ARV1: variants seen among roughly 807,000 people sequenced by gnomAD.
ARV1 encodes the protein protein ARV1.
A neutral mutation model predicts 31.1 loss-of-function variants in ARV1; 26 were observed. The observed-to-expected ratio is 0.84, with a 90% CI of 0.61 to 1.16. ARV1 has a LOEUF of 1.16. Among genes scored for constraint, ARV1 ranks in the 50% most tolerant of loss-of-function variants. ARV1 has a pLI of 0.00. For synonymous variants in ARV1, 117 were observed against 123.2 expected (o/e 0.95, Z 0.34); for missense variants, 281 against 324.9 (o/e 0.86, Z 1.04).
At chr1:230,994,669 G>T (rs1229262269) in intron 3 of ARV1, among the ~76,000 whole-genome samples, 1 of 151,974 alleles carries the variant, frequency 6.6e-6, no homozygotes, top group Non-Finnish European at 1.5e-5. Flanking sequence ...AGCCTCCCGA[G>T]TAGCTGGGAC....
At chr1:230,989,291 C>T (rs1173210473) in intron 2 of ARV1, among the ~76,000 whole-genome samples, 1 of 152,098 alleles carries the variant, frequency 6.6e-6, no homozygotes, top group African/African-American at 2.4e-5. Flanking sequence ...GCACGCATCA[C>T]CAAGCCCAGC....
chr1:230,990,469 G>A, intron 3 of ARV1: 1 of 547,708 alleles, frequency 1.8e-6, no homozygotes, highest in Non-Finnish European at 3.2e-6. Context: ...CCACGTATAT[G>A]GTATGGAAGT....
rs74143530 is a variant in ARV1, at chr1:230,986,384, C to G, written c.175-1936C>G. On this transcript the variant is annotated intron_variant, in intron 1 of 5. Coordinates refer to ENST00000310256, the MANE Select transcript of ARV1 (RefSeq NM_022786.3). ...TTTTATTACATTTGAATTGCAGGGTCGGTATTCTTCAGTGCCCTTCATTTT... is the reference window on the plus strand; with the variant it reads ...TTTTATTACATTTGAATTGCAGGGTGGGTATTCTTCAGTGCCCTTCATTTT... Among the ~76,000 whole-genome samples, 1,468 of 152,210 alleles carry G rather than the reference C, an allele frequency of 9.6e-3. 25 individuals are homozygous for G. The highest frequency in any genetic ancestry group is 0.033 in the African/African-American group (1,383 of 41,494).
At position 231,000,463 on chromosome 1, in the gene ARV1, A is replaced by T. The variant is rs1679493810; in HGVS notation, c.*330A>T. 6.6e-6 allele frequency: 1 copy of T among 152,234 alleles called. No individual in the cohort carries two copies. Among genetic ancestry groups the T allele is most frequent in the Non-Finnish European group, 1.5e-5 (1 of 68,042 alleles). 9.4% of individuals were successfully genotyped at this position (152,234 alleles called of 1,614,324 possible). The stretch of plus-strand genomic sequence containing the variant: ...GGCCAGGTAAGCGCTCATAATTCAC[A>T]CATAATAAAACATCTAGGTTTCATT... On this transcript the variant is annotated 3_prime_UTR_variant, in exon 6 of 6. Transcript: ENST00000310256.
Position 230,988,429 on chromosome 1 carries a change from C to A in ARV1, c.284C>A (p.Thr95Asn). The A allele has an allele frequency of 1.9e-6, 3 of 1,549,088 alleles. No homozygotes were observed. The highest frequency in any genetic ancestry group is 2.6e-6 in the Non-Finnish European group (3 of 1,144,722). Reference sequence around the variant, plus strand: ...GCCTACAGACATATTCTTTTCAATACTCAAATAAATGTAAGTTGTGATAAT... The same window carrying A: ...GCCTACAGACATATTCTTTTCAATAATCAAATAAATGTAAGTTGTGATAAT... ...AQAYRHILFN[T>N]QINIHGKLCI... Residue 95 changes from threonine to asparagine, a missense_variant, in exon 2 of 6, where the codon ACT becomes AAT. By Grantham distance (65) the Thr-to-Asn change is moderately conservative. Coordinates refer to ENST00000310256, the MANE Select transcript of ARV1 (RefSeq NM_022786.3).
chr1:230,998,052 C>T (rs1343649340), intron 5 of ARV1, among the ~76,000 whole-genome samples: 8 of 152,344 alleles, frequency 5.3e-5, no homozygotes, highest in Non-Finnish European at 8.8e-5. Context: ...AGTTCGTCTT[C>T]GGTCTTCCTC....
chr1:230,994,580 C>T (rs932914686), intron 3 of ARV1, among the ~76,000 whole-genome samples: 5 of 143,734 alleles, frequency 3.5e-5, no homozygotes, highest in Admixed American at 7.3e-5. Context: ...CTCGCTCTGT[C>T]GCCCAGACTG....
intron 3 of ARV1, among the ~76,000 whole-genome samples, chr1:230,993,310 G>C (rs1377758522): frequency 6.6e-5 from 10 of 152,042 alleles, no homozygotes; most frequent in Non-Finnish European, 1.3e-4. Context: ...TGTCCAGGTT[G>C]GTCTTGAACT....
At chr1:230,995,732 A>G in intron 3 of ARV1, 28 bp from the exon 4 acceptor site, 1 of 1,563,862 alleles carries the variant, frequency 6.4e-7, no homozygotes, top group South Asian at 1.1e-5. Flanking sequence ...GGGGACATTC[A>G]TACTTTTATT....
At chr1:230,998,592 C>T (rs1044315896) in intron 5 of ARV1, among the ~76,000 whole-genome samples, 1 of 152,108 alleles carries the variant, frequency 6.6e-6, no homozygotes, top group Non-Finnish European at 1.5e-5. Context: ...CCCAGAGTCT[C>T]TTGAACCTAT....
At chr1:230,986,990 T>A (rs1679100418) in intron 1 of ARV1, among the ~76,000 whole-genome samples, 1 of 152,056 alleles carries the variant, frequency 6.6e-6, no homozygotes, top group African/African-American at 2.4e-5. Context: ...ATAAGATTGG[T>A]TTTTTCCTTA....
At position 230,979,256 on chromosome 1, in the gene ARV1, G is replaced by A; in HGVS notation, c.151G>A (p.Gly51Ser). Residue 51 changes from glycine to serine, a missense_variant, in exon 1 of 6, where the codon GGT (glycine) becomes AGT (serine). By Grantham distance (56) the Gly-to-Ser change is moderately conservative (BLOSUM62 0). Transcript: ENST00000310256. ...AGAGTTGTACCGAGACTATAACCACGGTGTGCTGAAGATAACCATCTGTGT... is the reference window on the plus strand; with the variant it reads ...AGAGTTGTACCGAGACTATAACCACAGTGTGCTGAAGATAACCATCTGTGT... ...AKELYRDYNH[G>S]VLKITICKSC... 6.2e-7 allele frequency: 1 copy of A among 1,613,100 alleles called. No individual in the cohort carries two copies.
chr1:230,988,944 G>A (rs1281868810), intron 2 of ARV1, among the ~76,000 whole-genome samples: 3 of 152,052 alleles, frequency 2.0e-5, no homozygotes, highest in Non-Finnish European at 2.9e-5. Context: ...TTATTGAATT[G>A]TGAGCTCTTT....
At chr1:230,980,559 A>G (rs190918788) in intron 1 of ARV1, among the ~76,000 whole-genome samples, 4 of 151,980 alleles carry the variant, frequency 2.6e-5, no homozygotes, top group African/African-American at 9.7e-5. Flanking sequence ...CTGGTCTTGA[A>G]CTGACCTCAA....
chr1:230,983,230 C>T lies in ARV1; in HGVS notation c.174+3951C>T, dbSNP rs538962833. 5.9e-5 allele frequency among the ~76,000 whole-genome samples: 9 copies of T among 152,018 alleles called. No homozygotes were observed. The South Asian group carries it at 1.0e-3, about 18-fold the overall frequency. On this transcript the variant is annotated intron_variant, in intron 1 of 5. Coordinates refer to ENST00000310256, the MANE Select transcript of ARV1 (RefSeq NM_022786.3). ...GAGTTCAAGACCAGCCTGACCAACA[C>T]GGTGAAACCCCATCTCTCTAAAAAT...
chr1:230,983,307 G>T (rs1678963872), intron 1 of ARV1, among the ~76,000 whole-genome samples: 1 of 151,680 alleles, frequency 6.6e-6, no homozygotes, highest in South Asian at 2.1e-4. Context: ...AGCTACTCGG[G>T]AGGCTGAGGC....
In ARV1 at chr1:230,979,211, G is replaced by A. The variant is rs771844287; in HGVS notation, c.106G>A (p.Glu36Lys). 6.8e-6 allele frequency: 11 copies of A among 1,613,482 alleles called. No homozygotes were observed. The highest frequency in any genetic ancestry group is 1.3e-5 in the African/African-American group (1 of 74,998). Residue 36 changes from glutamate to lysine, a missense_variant, in exon 1 of 6, where the codon GAA becomes AAA. Transcript: ENST00000310256. ...GGCCTCCTGCCAGTACAGGTGCATC[G>A]AATGCAACCAGGAGGCCAAAGAGTT... ...ASASCQYRCI[E>K]CNQEAKELYR...
chr1:230,998,627 AG>A (rs1239159680), intron 5 of ARV1, among the ~76,000 whole-genome samples: 1 of 152,022 alleles, frequency 6.6e-6, no homozygotes, highest in Non-Finnish European at 1.5e-5. Flanking sequence ...CAAGGAGAGC[AG>A]GGCACAGTGG....
intron 3 of ARV1, among the ~76,000 whole-genome samples, chr1:230,991,093 A>C (rs1379757544): frequency 6.6e-6 from 1 of 152,192 alleles, no homozygotes; most frequent in Admixed American, 6.5e-5. Context: ...AAGTTCAGGA[A>C]GTGCTTTTCA....
Sources: gnomAD v4.1 joint callset for allele counts (sites outside exome capture counted in the v4.1 genomes callset) on GRCh38, gnomAD v4.1.1 for gene constraint, MANE v1.5 for transcripts, NCBI Gene and HGNC (gene_info 2026-07-23, HGNC 2026-07-21) for gene names.